The following CCDC171 variants were observed in gnomAD, a reference collection of about 807,000 sequenced individuals.
CCDC171 encodes coiled-coil domain-containing protein 171.
In CCDC171, 177 loss-of-function variants were observed where a neutral mutation model predicts 168.2. That is an observed-to-expected ratio of 1.05 (90% CI 0.93 to 1.19). The LOEUF (loss-of-function observed/expected upper bound fraction) is 1.19. Ranked by LOEUF, CCDC171 falls within the 50% of genes most tolerant of loss-of-function variation. CCDC171 has a pLI of 0.00. For synonymous variants in CCDC171, 687 were observed against 540.8 expected (o/e 1.27, Z -3.75); for missense variants, 1,991 against 1,539.0 (o/e 1.29, Z -4.91).
chr9:15,698,876 C>T (rs2051442907), intron 11 of CCDC171, among the ~76,000 whole-genome samples: 1 of 152,158 alleles, frequency 6.6e-6, no homozygotes, highest in South Asian at 2.1e-4. Context: ...ATCCATTTAT[C>T]CATTGCTAGA....
At chr9:15,737,528 A>G (rs936883663) in intron 16 of CCDC171, among the ~76,000 whole-genome samples, 7 of 152,186 alleles carry the variant, frequency 4.6e-5, no homozygotes, top group Non-Finnish European at 1.0e-4. Context: ...CCACAGTCAG[A>G]GGTAATATCT....
At chr9:15,810,496 G>GTGGGGGGGTGGGGC (rs2135948391) in intron 21 of CCDC171, among the ~76,000 whole-genome samples, 1 of 151,774 alleles carries the variant, frequency 6.6e-6, no homozygotes, top group Admixed American at 6.6e-5. Flanking sequence ...CCGCCATGGG[G>GTGGGGGGGTGGGGC]TGGGGGGGTG....
At chr9:15,571,499 T>TCTC (rs1435387226) in intron 2 of CCDC171, 125 bp from the exon 3 acceptor site, 1 of 708,406 alleles carries the variant, frequency 1.4e-6, no homozygotes. Flanking sequence ...GATTGTGAAC[T>TCTC]CTAAGTCAAG....
At chr9:15,995,610 G>T (rs954895069) in intron 3 of CCDC171, among the ~76,000 whole-genome samples, 10 of 152,218 alleles carry the variant, frequency 6.6e-5, no homozygotes, top group Non-Finnish European at 1.3e-4. Flanking sequence ...CCTAAACAGT[G>T]ATGTTTAATC....
At chr9:15,991,759 C>A (rs1428943161) in intron 3 of CCDC171, among the ~76,000 whole-genome samples, 1 of 152,024 alleles carries the variant, frequency 6.6e-6, no homozygotes, top group African/African-American at 2.4e-5. Context: ...CACCACCAAC[C>A]CCACAGAAAT....
chr9:15,984,620 T>G (rs985815413), intron 3 of CCDC171, among the ~76,000 whole-genome samples: 1 of 152,180 alleles, frequency 6.6e-6, no homozygotes, highest in Admixed American at 6.6e-5. Flanking sequence ...AGTAAATAAA[T>G]TGTCCAATAA....
chr9:15,631,499 A>G (rs908412725), intron 7 of CCDC171, among the ~76,000 whole-genome samples: 2 of 152,228 alleles, frequency 1.3e-5, no homozygotes, highest in African/African-American at 2.4e-5. Flanking sequence ...GAATAGACCA[A>G]TAACAGGCTC....
At chr9:15,725,705 CT>C (rs2053757819) in intron 14 of CCDC171, among the ~76,000 whole-genome samples, 1 of 152,156 alleles carries the variant, frequency 6.6e-6, no homozygotes, top group Admixed American at 6.5e-5. Context: ...CCACCTTGGC[CT>C]CCTAAAGTAC....
At chr9:15,865,957 A>G (rs1363395589) in intron 23 of CCDC171, among the ~76,000 whole-genome samples, 2 of 152,088 alleles carry the variant, frequency 1.3e-5, no homozygotes, top group East Asian at 3.9e-4. Context: ...TTCTTAGAAG[A>G]AAACTAATGC....
At chr9:15,783,203 T>C (rs934348742) in intron 20 of CCDC171, among the ~76,000 whole-genome samples, 3 of 152,226 alleles carry the variant, frequency 2.0e-5, no homozygotes, top group African/African-American at 7.2e-5. Flanking sequence ...TGATTTATCC[T>C]AAAACTTAGT....
chr9:15,745,728 A>G, intron 18 of CCDC171, 97 bp downstream of exon 18: 1 of 646,402 alleles, frequency 1.5e-6, no homozygotes, highest in Non-Finnish European at 2.6e-6. Context: ...TATAGGGGGA[A>G]ATATATTTGT....
Position 15,813,757 on chromosome 9 carries a change from A to C in CCDC171, c.3267+29063A>C, listed in dbSNP as rs574710700. Among the ~76,000 whole-genome samples, 22 of 152,278 alleles carry C rather than the reference A, an allele frequency of 1.4e-4. No homozygotes were observed. The East Asian group carries it at 4.1e-3, about 28-fold the overall frequency. ...TTATACTGTAAATAAGTCATTGTTT[A>C]TTTAGCTATTCATCTGCTGATTGGC... On this transcript the variant is annotated intron_variant, in intron 21 of 25. Transcript: ENST00000380701.
intron 18 of CCDC171, among the ~76,000 whole-genome samples, chr9:15,750,654 A>T (rs1234700296): frequency 1.3e-5 from 2 of 152,258 alleles, no homozygotes; most frequent in Non-Finnish European, 2.9e-5. Context: ...AATCCATCAC[A>T]GAAACAGAAC....
chr9:16,080,229 G>T, the CCDC171 span, among the ~76,000 whole-genome samples: 1 of 152,162 alleles, frequency 6.6e-6, no homozygotes, highest in Admixed American at 6.5e-5. Flanking sequence ...AACAAAGGCA[G>T]GTCCCCAGAT....
intron 6 of CCDC171, among the ~76,000 whole-genome samples, chr9:15,595,535 A>G (rs1352693034): frequency 2.0e-5 from 3 of 152,082 alleles, no homozygotes; most frequent in Non-Finnish European, 1.5e-5. Context: ...CATTTTCTTA[A>G]TCCAGTCTAT....
intron 18 of CCDC171, among the ~76,000 whole-genome samples, chr9:15,772,840 T>C (rs1304138668): frequency 1.3e-5 from 2 of 151,760 alleles, no homozygotes; most frequent in Admixed American, 6.6e-5. Context: ...ACAGAGAAAA[T>C]GGAATAAATT....
intron 6 of CCDC171, among the ~76,000 whole-genome samples, chr9:15,613,627 G>T (rs913390120): frequency 1.3e-5 from 2 of 151,382 alleles, no homozygotes; most frequent in Non-Finnish European, 2.9e-5. Flanking sequence ...GGTTCAAGCG[G>T]TTCTCCTGCC....
At chr9:16,015,568 G>A (rs1832990538) in intron 3 of CCDC171, among the ~76,000 whole-genome samples, 4 of 152,112 alleles carry the variant, frequency 2.6e-5, no homozygotes, top group African/African-American at 9.7e-5. Flanking sequence ...TGTCTCAAGT[G>A]CCCTTCCTCC....
At chr9:15,839,764 A>G (rs577773832) in intron 21 of CCDC171, among the ~76,000 whole-genome samples, 4 of 152,298 alleles carry the variant, frequency 2.6e-5, no homozygotes, top group African/African-American at 9.6e-5. Flanking sequence ...AACACTCCCC[A>G]TAGTGAAAGT....
Sources: gnomAD v4.1 joint callset for allele counts (sites outside exome capture counted in the v4.1 genomes callset) on GRCh38, gnomAD v4.1.1 for gene constraint, MANE v1.5 for transcripts, NCBI Gene and HGNC (gene_info 2026-07-23, HGNC 2026-07-21) for gene names.